Variants in NANOS3 observed in about 807,000 individuals in gnomAD.
NANOS3 encodes the protein nanos homolog 3.
A neutral mutation model predicts 13.8 loss-of-function variants in NANOS3; 11 were observed. The ratio of observed to expected loss-of-function variants is 0.80; its 90% CI spans 0.50 to 1.32. NANOS3 has a LOEUF of 1.32. Ranked by LOEUF, NANOS3 falls within the 40% of genes most tolerant of loss-of-function variation. NANOS3 has a pLI of 0.00. For synonymous variants in NANOS3, 119 were observed against 115.4 expected, an observed-to-expected ratio of 1.03 and a Z score of -0.20; for missense variants, 221 against 263.8, an observed-to-expected ratio of 0.84 and a Z score of 1.12.
chr19:13,867,516 C>T (rs562429809), intron 1 of NANOS3, among the ~76,000 whole-genome samples: 9 of 152,212 alleles, frequency 5.9e-5, no homozygotes, highest in Non-Finnish European at 7.4e-5. Flanking sequence ...CCACCCACCT[C>T]GGCTTCCCAG....
upstream of NANOS3, among the ~76,000 whole-genome samples, chr19:13,873,954 A>C (rs1968454568): frequency 6.6e-6 from 1 of 151,630 alleles, no homozygotes; most frequent in South Asian, 2.1e-4. Flanking sequence ...GGAGGAAGGG[A>C]CTGGGGGTCA....
intron 1 of NANOS3, among the ~76,000 whole-genome samples, chr19:13,870,634 C>A (rs1976313152): frequency 7.7e-6 from 1 of 130,370 alleles, no homozygotes; most frequent in Non-Finnish European, 1.6e-5. Context: ...GTGGCTCAAT[C>A]TCGGCTCACT....
At chr19:13,876,590 G>A (rs1025223703), upstream of NANOS3, among the ~76,000 whole-genome samples, 10 of 152,172 alleles carry the variant, frequency 6.6e-5, no homozygotes, top group African/African-American at 1.7e-4. Flanking sequence ...GCTGGGGGCC[G>A]GGGGGCATGA....
chr19:13,870,991 A>G (rs1174257234), intron 1 of NANOS3, among the ~76,000 whole-genome samples: 2 of 151,888 alleles, frequency 1.3e-5, no homozygotes, highest in Non-Finnish European at 2.9e-5. Flanking sequence ...CCAGGAACTA[A>G]GGATAAAGAA....
At chr19:13,873,910 C>T (rs1301255476), upstream of NANOS3, among the ~76,000 whole-genome samples, 1 of 65,824 alleles carries the variant, frequency 1.5e-5, no homozygotes, top group South Asian at 4.5e-4. Context: ...GCACCCGGGG[C>T]GGGGGGGTGG....
upstream of NANOS3, among the ~76,000 whole-genome samples, chr19:13,875,893 CTG>C (rs2145077657): frequency 6.6e-6 from 1 of 152,284 alleles, no homozygotes; most frequent in South Asian, 2.1e-4. Flanking sequence ...CGTCTCTCCT[CTG>C]TGTCCAAGTC....
At chr19:13,867,865 C>T (rs1274797836) in intron 1 of NANOS3, among the ~76,000 whole-genome samples, 5 of 152,056 alleles carry the variant, frequency 3.3e-5, no homozygotes, top group South Asian at 2.1e-4. Context: ...ATATGCCCAT[C>T]GTCACCTACC....
intron 1 of NANOS3, among the ~76,000 whole-genome samples, chr19:13,870,054 A>ATT (rs112665118): frequency 6.9e-6 from 1 of 144,590 alleles, no homozygotes. Context: ...TTCTTCAACT[A>ATT]TTTTTTTTTT....
In NANOS3 at chr19:13,877,555, C is replaced by G. The variant is rs1486356231; in HGVS notation, c.307C>G (p.Leu103Val). 1 of 1,612,250 alleles carries G rather than the reference C, an allele frequency of 6.2e-7. No individual in the cohort carries two copies. The highest frequency in any genetic ancestry group is 8.5e-7 in the Non-Finnish European group (1 of 1,179,980). Reference protein sequence around the residue: ...HVLKDEAGRVLCPILRDYVCP... With the variant: ...HVLKDEAGRVVCPILRDYVCP... ...GCTGAAGGACGAGGCTGGCAGGGTG[C>G]TGTGTCCCATCCTGCGGGACTACGT... Residue 103 changes from leucine to valine, a missense_variant, in exon 1 of 2, where the codon CTG becomes GTG. Around this residue, in one of 3 missense-constraint regions of NANOS3, gnomAD observed 49 missense variants for 91.0 expected, o/e 0.54. Transcript: ENST00000339133.
At chr19:13,869,774 GCACA>G (rs745893055) in intron 1 of NANOS3, among the ~76,000 whole-genome samples, 174 of 144,432 alleles carry the variant, frequency 1.2e-3, no homozygotes, top group Middle Eastern at 3.6e-3. Context: ...ACACACGCAC[GCACA>G]CACACACACA....
At chr19:13,866,214 C>T (rs975119656) in intron 1 of NANOS3, among the ~76,000 whole-genome samples, 1 of 152,154 alleles carries the variant, frequency 6.6e-6, no homozygotes, top group African/African-American at 2.4e-5. Context: ...CCGGGGAGCC[C>T]TTTTAAAGCT....
At chr19:13,870,652 C>T (rs947372416) in intron 1 of NANOS3, among the ~76,000 whole-genome samples, 4 of 142,896 alleles carry the variant, frequency 2.8e-5, no homozygotes, top group African/African-American at 1.0e-4. Flanking sequence ...ACTGCAATCT[C>T]TGCCTCCCAG....
chr19:13,876,743 G>A (rs1238970022), upstream of NANOS3, among the ~76,000 whole-genome samples: 1 of 152,190 alleles, frequency 6.6e-6, no homozygotes. Context: ...CCCCCGCCCA[G>A]GGGAAGGAAG....
intron 1 of NANOS3, among the ~76,000 whole-genome samples, chr19:13,879,097 G>T (rs1162833742): frequency 6.6e-6 from 1 of 151,860 alleles, no homozygotes; most frequent in African/African-American, 2.4e-5. Flanking sequence ...CCACCACCAC[G>T]CACGGCTAAT....
At chr19:13,868,737 G>A (rs1457883367) in intron 1 of NANOS3, among the ~76,000 whole-genome samples, 1 of 151,728 alleles carries the variant, frequency 6.6e-6, no homozygotes, top group African/African-American at 2.4e-5. Context: ...CATTTTAGTG[G>A]GGAATGGGAT....
chr19:13,862,651 G>A (rs1316772369), upstream of NANOS3, among the ~76,000 whole-genome samples: 1 of 152,046 alleles, frequency 6.6e-6, no homozygotes, highest in African/African-American at 2.4e-5. Context: ...TGATTCTCAT[G>A]CTTTAGCTTC....
Position 13,877,725 on chromosome 19 carries a change from A to C in NANOS3, c.477A>C (p.Thr159=). The part of the protein sequence containing the change: ...KKLVRPDKAK[T]QDTGHRRGGG... ...TGGTCCGGCCTGACAAGGCGAAGAC[A>C]CAGGACACAGGCCACCGCCGAGGAG... The change falls in exon 1 of 2, where the codon ACA becomes ACC. Residue 159 remains threonine, a synonymous_variant. Coordinates refer to ENST00000339133, the MANE Select transcript of NANOS3 (RefSeq NM_001098622.3). 1 of 1,597,180 alleles carries C rather than the reference A, an allele frequency of 6.3e-7. No homozygotes were observed.
chr19:13,874,709 G>A, upstream of NANOS3: 1 of 531,558 alleles, frequency 1.9e-6, no homozygotes, highest in Non-Finnish European at 3.9e-6. Flanking sequence ...CGGAAAATTT[G>A]CCAAGGGTTT....
At position 13,880,472 on chromosome 19, in the gene NANOS3, C is replaced by T. The variant is rs775855231; in HGVS notation, c.548C>T (p.Ser183Leu). The change falls in exon 2 of 2, where the codon TCG becomes TTG. Residue 183 changes from serine to leucine, a missense_variant. Physicochemically the swap from Ser to Leu is moderately radical, Grantham distance 145. This residue lies in a region of NANOS3 where 60 missense variants were observed against 56.5 expected (regional missense o/e 1.06). Transcript: ENST00000339133. Reference sequence around the variant, plus strand: ...AGAGGTGCCGGGAAGTCTGAGCCTTCGCCCTCCTGCTCTCCCTCCATGTCC... The same window carrying T: ...AGAGGTGCCGGGAAGTCTGAGCCTTTGCCCTCCTGCTCTCCCTCCATGTCC... ...GFRGAGKSEP[S>L]PSCSPSMST is the part of the protein sequence containing the mutation. 13 of 1,613,922 alleles carry T rather than the reference C, an allele frequency of 8.1e-6. No individual in the cohort carries two copies. Among genetic ancestry groups the T allele is most frequent in the South Asian group, 2.2e-5 (2 of 91,072 alleles).
Sources: gnomAD v4.1 joint callset for allele counts (sites outside exome capture counted in the v4.1 genomes callset) on GRCh38, gnomAD v4.1.1 for gene constraint, gnomAD v4.1.1 regional missense constraint, MANE v1.5 for transcripts, NCBI Gene and HGNC (gene_info 2026-07-23, HGNC 2026-07-21) for gene names.